The following SUGCT variants were observed in gnomAD, a reference collection of about 807,000 sequenced individuals.
The protein encoded by SUGCT is succinyl-CoA:glutarate-CoA transferase.
Under a neutral mutation model 55.0 loss-of-function variants are expected in SUGCT, and 41 were observed. That is an observed-to-expected ratio of 0.74 (90% CI 0.58 to 0.97). The LOEUF is 0.97. SUGCT is among the 50% of genes least tolerant of loss of function. The pLI is 0.00. For synonymous variants in SUGCT, 187 were observed against 200.4 expected (o/e 0.93, Z 0.56); for missense variants, 568 against 547.8 (o/e 1.04, Z -0.37).
chr7:40,429,636 C>A (rs971632082), intron 9 of SUGCT, among the ~76,000 whole-genome samples: 4 of 152,174 alleles, frequency 2.6e-5, no homozygotes, highest in African/African-American at 9.7e-5. Context: ...TTTATTCCTT[C>A]CATATTCTTC....
chr7:40,972,986 A>C, the SUGCT span, among the ~76,000 whole-genome samples: 1 of 152,162 alleles, frequency 6.6e-6, no homozygotes. Flanking sequence ...TCATCTGAGC[A>C]CTCAGATCCA....
chr7:40,522,969 G>A (rs1230016154), intron 12 of SUGCT, among the ~76,000 whole-genome samples: 1 of 152,036 alleles, frequency 6.6e-6, no homozygotes, highest in Non-Finnish European at 1.5e-5. Context: ...TTTATAATAT[G>A]TAATTAATGT....
At chr7:40,332,810 T>C (rs1237078088) in intron 9 of SUGCT, among the ~76,000 whole-genome samples, 1 of 152,004 alleles carries the variant, frequency 6.6e-6, no homozygotes, top group Non-Finnish European at 1.5e-5. Context: ...TGGGAGAAAG[T>C]TGATAAGTGC....
chr7:40,638,742 G>A (rs1800130196), intron 12 of SUGCT, among the ~76,000 whole-genome samples: 1 of 152,168 alleles, frequency 6.6e-6, no homozygotes, highest in Non-Finnish European at 1.5e-5. Context: ...GGGATGCAAT[G>A]CCTGTGATGT....
At chr7:40,693,236 C>T (rs142389305) in intron 12 of SUGCT, among the ~76,000 whole-genome samples, 3 of 152,282 alleles carry the variant, frequency 2.0e-5, no homozygotes, top group Non-Finnish European at 4.4e-5. Flanking sequence ...ACTGGCTCTA[C>T]CACTTATGAG....
At chr7:40,570,983 C>T (rs1460911219) in intron 12 of SUGCT, among the ~76,000 whole-genome samples, 1 of 151,128 alleles carries the variant, frequency 6.6e-6, no homozygotes. Flanking sequence ...CCTCAGCCTC[C>T]CGAGTAGCTG....
chr7:40,232,799 G>T (rs935580862), intron 6 of SUGCT, among the ~76,000 whole-genome samples: 1 of 152,150 alleles, frequency 6.6e-6, no homozygotes, highest in Non-Finnish European at 1.5e-5. Context: ...AAGAAAATGT[G>T]TGTTGGGTAT....
chr7:40,974,579 G>T, the SUGCT span, among the ~76,000 whole-genome samples: 3 of 152,148 alleles, frequency 2.0e-5, no homozygotes, highest in Admixed American at 6.5e-5. Context: ...TGTTGTTTAA[G>T]CCACACAGTC....
At chr7:40,503,455 C>T (rs993255286) in intron 12 of SUGCT, among the ~76,000 whole-genome samples, 4 of 151,728 alleles carry the variant, frequency 2.6e-5, no homozygotes, top group African/African-American at 9.7e-5. Flanking sequence ...TAAATATATT[C>T]CAAAACCACA....
intron 12 of SUGCT, among the ~76,000 whole-genome samples, chr7:40,619,522 A>G (rs1021253957): frequency 6.6e-6 from 1 of 152,118 alleles, no homozygotes; most frequent in South Asian, 2.1e-4. Flanking sequence ...TTATGATTGA[A>G]TTTTTTTGTT....
intron 12 of SUGCT, among the ~76,000 whole-genome samples, chr7:40,575,999 T>A (rs1026240479): frequency 2.0e-5 from 3 of 151,850 alleles, no homozygotes; most frequent in African/African-American, 7.3e-5. Context: ...GTAATGTTTC[T>A]CCCATGTTGT....
At chr7:40,927,338 G>A in the SUGCT span, among the ~76,000 whole-genome samples, 1 of 152,078 alleles carries the variant, frequency 6.6e-6, no homozygotes, top group Admixed American at 6.6e-5. Context: ...GTCTTGCCTT[G>A]CTCTTGTGTG....
chr7:40,457,663 CATT>C (rs1305339455), intron 10 of SUGCT, among the ~76,000 whole-genome samples: 1 of 152,110 alleles, frequency 6.6e-6, no homozygotes, highest in East Asian at 1.9e-4. Context: ...ATGGAAGGAT[CATT>C]ACTTTGGCCA....
the SUGCT span, among the ~76,000 whole-genome samples, chr7:40,945,875 G>T: frequency 6.6e-6 from 1 of 152,096 alleles, no homozygotes; most frequent in African/African-American, 2.4e-5. Context: ...TATCTGCAAG[G>T]GTTACAGTAA....
intron 12 of SUGCT, among the ~76,000 whole-genome samples, chr7:40,497,544 A>G (rs899700814): frequency 6.6e-6 from 1 of 152,156 alleles, no homozygotes; most frequent in Non-Finnish European, 1.5e-5. Context: ...TACTATGTGA[A>G]TTCATCTGAA....
intron 9 of SUGCT, among the ~76,000 whole-genome samples, chr7:40,386,223 A>G (rs1785122245): frequency 6.6e-6 from 1 of 152,196 alleles, no homozygotes; most frequent in Non-Finnish European, 1.5e-5. Flanking sequence ...AAAGCCCCTG[A>G]CACTCAGCTG....
the SUGCT span, among the ~76,000 whole-genome samples, chr7:40,980,488 T>G: frequency 6.6e-6 from 1 of 152,176 alleles, no homozygotes; most frequent in Non-Finnish European, 1.5e-5. Flanking sequence ...CAGTATTATG[T>G]AAATCAGATA....
chr7:40,157,592 A>G (rs1172533015), intron 1 of SUGCT, among the ~76,000 whole-genome samples: 1 of 152,264 alleles, frequency 6.6e-6, no homozygotes, highest in Non-Finnish European at 1.5e-5. Context: ...AATATACTTA[A>G]TAATTTCTCT....
At chr7:40,625,595 C>T (rs1448206700) in intron 12 of SUGCT, among the ~76,000 whole-genome samples, 1 of 152,064 alleles carries the variant, frequency 6.6e-6, no homozygotes, top group Admixed American at 6.6e-5. Flanking sequence ...ACCCATGCCT[C>T]CTTGAGCCTC....
Sources: allele counts gnomAD v4.1 joint callset (sites outside exome capture counted in the v4.1 genomes callset), GRCh38; gene constraint gnomAD v4.1.1; transcripts MANE v1.5; gene names NCBI Gene and HGNC (gene_info 2026-07-23, HGNC 2026-07-21).